FGF14: variants seen among roughly 807,000 people sequenced by gnomAD.
FGF14 encodes fibroblast growth factor 14.
Under a neutral mutation model 25.5 loss-of-function variants are expected in FGF14, and 5 were observed. The observed-to-expected ratio is 0.20, with a 90% CI of 0.10 to 0.41. FGF14 has a LOEUF of 0.41. Ranked by LOEUF, FGF14 falls within the 10% of genes least tolerant of loss-of-function variation. FGF14 has a pLI of 1.00. For synonymous variants in FGF14, 138 were observed against 118.3 expected (o/e 1.17, Z -1.08); for missense variants, 222 against 320.1 (o/e 0.69, Z 2.34).
chr13:101,835,938 A>G (rs951493147), intron 3 of FGF14, among the ~76,000 whole-genome samples: 1 of 152,076 alleles, frequency 6.6e-6, no homozygotes, highest in East Asian at 1.9e-4. Context: ...CTGGAAGTAC[A>G]ATGCAAAAGA....
At chr13:102,280,263 G>A (rs1454489662) in intron 1 of FGF14, among the ~76,000 whole-genome samples, 2 of 152,118 alleles carry the variant, frequency 1.3e-5, no homozygotes, top group Non-Finnish European at 2.9e-5. Context: ...TAGCAGGTTG[G>A]AAACAAATGT....
intron 1 of FGF14, among the ~76,000 whole-genome samples, chr13:102,207,934 A>G (rs1460250375): frequency 6.6e-6 from 1 of 152,208 alleles, no homozygotes; most frequent in Non-Finnish European, 1.5e-5. Flanking sequence ...AAATCTACAG[A>G]GTTCACAAAA....
intron 1 of FGF14, among the ~76,000 whole-genome samples, chr13:102,077,394 T>C (rs987268635): frequency 6.6e-6 from 1 of 152,090 alleles, no homozygotes; most frequent in Non-Finnish European, 1.5e-5. Flanking sequence ...GTAAATGCAT[T>C]TGATAAGGGG....
At chr13:102,317,605 T>C (rs2056082086) in intron 1 of FGF14, among the ~76,000 whole-genome samples, 1 of 152,204 alleles carries the variant, frequency 6.6e-6, no homozygotes, top group African/African-American at 2.4e-5. Flanking sequence ...CTAAACACTT[T>C]CCAAAATATA....
intron 3 of FGF14, among the ~76,000 whole-genome samples, chr13:101,865,665 T>C (rs1041543080): frequency 1.3e-5 from 2 of 152,226 alleles, no homozygotes; most frequent in African/African-American, 4.8e-5. Context: ...AGTATCTTAT[T>C]TGGATAGCAA....
intron 3 of FGF14, among the ~76,000 whole-genome samples, chr13:101,859,247 A>C (rs1294657867): frequency 6.6e-6 from 1 of 152,138 alleles, no homozygotes; most frequent in Non-Finnish European, 1.5e-5. Flanking sequence ...GTACAGATTA[A>C]AAACTCCCTA....
chr13:101,834,922 T>C (rs1265075056), intron 3 of FGF14, among the ~76,000 whole-genome samples: 2 of 152,078 alleles, frequency 1.3e-5, no homozygotes, highest in Non-Finnish European at 2.9e-5. Context: ...TCTGTAAATA[T>C]TACTTATATT....
At chr13:102,063,637 GC>G (rs2042780530) in intron 1 of FGF14, among the ~76,000 whole-genome samples, 1 of 151,634 alleles carries the variant, frequency 6.6e-6, no homozygotes, top group African/African-American at 2.4e-5. Context: ...AGTTCGCAAT[GC>G]TAAAACATTA....
At chr13:102,378,635 A>ATCTATCTATC (rs1206805030) in intron 1 of FGF14, among the ~76,000 whole-genome samples, 73 of 119,584 alleles carry the variant, frequency 6.1e-4, no homozygotes, top group African/African-American at 1.8e-3. Flanking sequence ...ATCTATCTAT[A>ATCTATCTATC]TATATATATA....
intron 1 of FGF14, among the ~76,000 whole-genome samples, chr13:102,386,947 G>A (rs923771900): frequency 2.0e-5 from 3 of 152,170 alleles, no homozygotes; most frequent in African/African-American, 7.2e-5. Flanking sequence ...ACAGAATTCA[G>A]GTTTGTGCTG....
chr13:102,384,454 T>G (rs780753573), intron 1 of FGF14, among the ~76,000 whole-genome samples: 1 of 152,186 alleles, frequency 6.6e-6, no homozygotes, highest in Non-Finnish European at 1.5e-5. Flanking sequence ...CCACACTCTC[T>G]CATGCCCCTA....
intron 1 of FGF14, among the ~76,000 whole-genome samples, chr13:102,099,324 C>T (rs1051491478): frequency 1.3e-5 from 2 of 152,166 alleles, no homozygotes; most frequent in African/African-American, 4.8e-5. Context: ...GGGGTATTTA[C>T]GTGCAGAGAA....
chr13:102,364,146 AAC>A (rs2057643937), intron 1 of FGF14, among the ~76,000 whole-genome samples: 1 of 152,234 alleles, frequency 6.6e-6, no homozygotes, highest in Non-Finnish European at 1.5e-5. Flanking sequence ...TTTTACACTA[AAC>A]TTTTTAAGTC....
chr13:102,213,256 C>T (rs1466125323), intron 1 of FGF14, among the ~76,000 whole-genome samples: 1 of 152,100 alleles, frequency 6.6e-6, no homozygotes, highest in Admixed American at 6.6e-5. Context: ...CTTCTTTCCA[C>T]CAAGGAGGAC....
chr13:102,376,174 C>A (rs2058035757), intron 1 of FGF14, among the ~76,000 whole-genome samples: 2 of 152,124 alleles, frequency 1.3e-5, no homozygotes, highest in Non-Finnish European at 2.9e-5. Flanking sequence ...ATAATTGAAT[C>A]TGGGGGCAGT....
rs562169033 is a variant in FGF14 at position 101,792,536 on chromosome 13, G to GA, written c.409-65727dup. 4.6e-3 allele frequency among the ~76,000 whole-genome samples: 695 copies of GA among 152,054 alleles called. 4 individuals are homozygous for GA. Among genetic ancestry groups the GA allele is most frequent in the Admixed American group, 0.015 (226 of 15,252 alleles). On this transcript the variant is annotated intron_variant, in intron 3 of 4. Coordinates refer to ENST00000376143, the MANE Select transcript of FGF14 (RefSeq NM_004115.4). ...TAGAATCAAGGCCATTTTCGTGGAG[G>GA]AAAAAAATCATAGAAAAGGGTTATT...
At chr13:101,899,328 T>C (rs936726008) in intron 1 of FGF14, among the ~76,000 whole-genome samples, 5 of 151,772 alleles carry the variant, frequency 3.3e-5, no homozygotes, top group African/African-American at 1.2e-4. Context: ...ATTAAAAAAA[T>C]AAATACATAT....
At chr13:102,052,530 A>G (rs1490482973) in intron 1 of FGF14, among the ~76,000 whole-genome samples, 2 of 151,920 alleles carry the variant, frequency 1.3e-5, no homozygotes, top group Non-Finnish European at 2.9e-5. Context: ...TAAAAGTAAC[A>G]AGAGAAAAAA....
At chr13:101,772,872 C>T (rs9557736) in intron 3 of FGF14, among the ~76,000 whole-genome samples, 143,320 of 152,200 alleles carry the variant, frequency 0.94, 68,138 homozygotes, top group East Asian at 1. Context: ...GAGGACTCAC[C>T]GAAGACTCCA....
Sources: gnomAD v4.1 joint callset for allele counts (sites outside exome capture counted in the v4.1 genomes callset) on GRCh38, gnomAD v4.1.1 for gene constraint, MANE v1.5 for transcripts, NCBI Gene and HGNC (gene_info 2026-07-23, HGNC 2026-07-21) for gene names.